RAB31: variants seen among roughly 807,000 people sequenced by gnomAD.
RAB31 encodes the protein RAB31, member RAS oncogene family.
A neutral mutation model predicts 25.6 loss-of-function variants in RAB31; 21 were observed. The observed-to-expected ratio is 0.82, with a 90% confidence interval of 0.58 to 1.18. RAB31 has a LOEUF of 1.18. RAB31 is among the 50% of genes most tolerant of loss of function. The pLI, the probability that RAB31 is intolerant of heterozygous loss-of-function variation, is 0.00. For missense variants in RAB31, 196 were observed against 250.1 expected (o/e 0.78, Z 1.46); for synonymous variants, 87 against 84.0 (o/e 1.04, Z -0.20).
chr18:9,738,764 C>T (rs576380260), intron 1 of RAB31, among the ~76,000 whole-genome samples: 1 of 152,326 alleles, frequency 6.6e-6, no homozygotes, highest in East Asian at 1.9e-4. Flanking sequence ...TGATTTGCAG[C>T]CCATCAATCA....
chr18:9,799,890 A>C (rs1262773364), intron 3 of RAB31, among the ~76,000 whole-genome samples: 1 of 152,202 alleles, frequency 6.6e-6, no homozygotes, highest in Non-Finnish European at 1.5e-5. Context: ...GACTATGAAG[A>C]GGGGAAGAGT....
intron 1 of RAB31, among the ~76,000 whole-genome samples, chr18:9,748,420 C>T (rs531452654): frequency 6.6e-5 from 10 of 152,036 alleles, no homozygotes; most frequent in Middle Eastern, 3.2e-3. Flanking sequence ...GTGGGAGGAT[C>T]GCTTGAGCCC....
At chr18:9,803,648 C>T (rs564025173) in intron 3 of RAB31, among the ~76,000 whole-genome samples, 1 of 152,178 alleles carries the variant, frequency 6.6e-6, no homozygotes, top group Non-Finnish European at 1.5e-5. Context: ...AGGGCCATGC[C>T]TGCTGAGCTC....
At chr18:9,856,767 G>C (rs994399662) in intron 6 of RAB31, among the ~76,000 whole-genome samples, 1 of 152,166 alleles carries the variant, frequency 6.6e-6, no homozygotes, top group Non-Finnish European at 1.5e-5. Flanking sequence ...ATTGCAGTGT[G>C]TAACACACTC....
chr18:9,728,403 A>T (rs1056841184), intron 1 of RAB31, among the ~76,000 whole-genome samples: 2 of 152,272 alleles, frequency 1.3e-5, no homozygotes, highest in Non-Finnish European at 1.5e-5. Flanking sequence ...GTTGGGTCAG[A>T]GAATAGGAGA....
chr18:9,772,838 C>T (rs1319053828), intron 1 of RAB31, among the ~76,000 whole-genome samples: 2 of 152,006 alleles, frequency 1.3e-5, no homozygotes, highest in African/African-American at 4.8e-5. Flanking sequence ...TTCTTGGGGG[C>T]TACGTGGGCT....
chr18:9,793,549 C>G (rs900605397), intron 3 of RAB31, among the ~76,000 whole-genome samples: 2 of 151,912 alleles, frequency 1.3e-5, no homozygotes, highest in African/African-American at 4.8e-5. Flanking sequence ...GTAGTCCCAG[C>G]TACTCGGGAG....
At chr18:9,724,784 C>T (rs1240179263) in intron 1 of RAB31, among the ~76,000 whole-genome samples, 1 of 152,184 alleles carries the variant, frequency 6.6e-6, no homozygotes, top group Admixed American at 6.5e-5. Context: ...ATCCTAAGCA[C>T]GTAGACTTGT....
rs2068319470 is a variant in RAB31 at position 9,766,973 on chromosome 18, A to G, written c.40-8305A>G. Among the ~76,000 whole-genome samples the G allele has an allele frequency of 6.6e-6, 1 of 152,046 alleles. No homozygotes were observed. The highest frequency in any genetic ancestry group is 1.5e-5 in the Non-Finnish European group (1 of 68,018). On this transcript the variant is annotated intron_variant, in intron 1 of 6. Coordinates refer to ENST00000578921, the MANE Select transcript of RAB31 (RefSeq NM_006868.4). This position sits in a 1 kb window ranked among gnomAD's most constrained non-coding sequence, Gnocchi z 4.3. ...TCTTGTCTCAAAACAAACAAACAAA[A>G]CCCCAAACCAAAACAAACAAAAAGA... is the stretch of plus-strand genomic sequence containing the variant.
intron 4 of RAB31, chr18:9,814,544 G>A (rs77030572): frequency 0.052 from 8,249 of 157,692 alleles, 387 homozygotes; most frequent in African/African-American, 0.13. Flanking sequence ...ACAAATAACC[G>A]CAGTAGTTTG....
intron 6 of RAB31, among the ~76,000 whole-genome samples, chr18:9,851,850 A>T (rs1183604382): frequency 6.6e-6 from 1 of 151,834 alleles, no homozygotes; most frequent in East Asian, 1.9e-4. Flanking sequence ...AATATATCTC[A>T]TATTTCATAA....
rs564036906 is a variant in RAB31, at chr18:9,762,141, G to T, written c.40-13137G>T. 6.6e-4 allele frequency among the ~76,000 whole-genome samples: 100 copies of T among 152,240 alleles called. 1 individual carries two copies. The highest frequency in any genetic ancestry group is 1.7e-3 in the African/African-American group (70 of 41,538). The stretch of plus-strand genomic sequence containing the variant: ...CTTTTATAACCTCCCCCTTGGAAGT[G>T]ACATCTGCCACTTTTGCTGCATTCC... On this transcript the variant is annotated intron_variant, in intron 1 of 6. Transcript: ENST00000578921.
chr18:9,806,470 G>C (rs532272024), intron 3 of RAB31, among the ~76,000 whole-genome samples: 2 of 151,960 alleles, frequency 1.3e-5, no homozygotes, highest in Admixed American at 1.3e-4. Context: ...GCTAGAAGGC[G>C]TCAGGGAAGG....
intron 5 of RAB31, among the ~76,000 whole-genome samples, chr18:9,833,153 A>G (rs1301638728): frequency 6.6e-6 from 1 of 152,200 alleles, no homozygotes; most frequent in East Asian, 1.9e-4. Flanking sequence ...TCAGAGGGAG[A>G]TCTTCTTCCG....
At chr18:9,776,042 A>G (rs751589430) in intron 2 of RAB31, among the ~76,000 whole-genome samples, 13 of 152,168 alleles carry the variant, frequency 8.5e-5, no homozygotes, top group Non-Finnish European at 1.8e-4. Context: ...CACCTGCCTC[A>G]GCTTCCCAAA....
At chr18:9,852,107 A>G (rs2068792139) in intron 6 of RAB31, among the ~76,000 whole-genome samples, 1 of 152,158 alleles carries the variant, frequency 6.6e-6, no homozygotes, top group African/African-American at 2.4e-5. Context: ...TAAAATTTCA[A>G]ACATATACAC....
Position 9,860,368 on chromosome 18 carries a change from A to C in RAB31, c.*1043A>C, listed in dbSNP as rs1253187635. On this transcript the variant is annotated 3_prime_UTR_variant, in exon 7 of 7. Transcript: ENST00000578921. ...CCCAAAAAACTACAAAATCAGAAAAAGTATTTTTATGTTTCTAGCTTGAGG... is the reference window on the plus strand; with the variant it reads ...CCCAAAAAACTACAAAATCAGAAAACGTATTTTTATGTTTCTAGCTTGAGG... 6 of 152,362 alleles carry C rather than the reference A, an allele frequency of 3.9e-5. No homozygotes were observed. The East Asian group carries it at 1.2e-3, about 29-fold the overall frequency. The allele number at this position is 152,362 out of a possible 1,614,324, so 9.4% of individuals were successfully genotyped here.
chr18:9,768,671 C>G (rs2068328815), intron 1 of RAB31, among the ~76,000 whole-genome samples: 1 of 152,206 alleles, frequency 6.6e-6, no homozygotes, highest in Admixed American at 6.5e-5. Flanking sequence ...ATGATAGTTT[C>G]TTTTGCTGTG....
chr18:9,826,424 A>AG (rs141821907), intron 5 of RAB31, among the ~76,000 whole-genome samples: 1 of 148,290 alleles, frequency 6.7e-6, no homozygotes, highest in Non-Finnish European at 1.5e-5. Context: ...ATTTAAAAAA[A>AG]CACACACACA....
Sources: gnomAD v4.1 joint callset for allele counts (sites outside exome capture counted in the v4.1 genomes callset) on GRCh38, gnomAD v4.1.1 for gene constraint, Gnocchi (gnomAD v3.1) non-coding constraint, MANE v1.5 for transcripts, NCBI Gene and HGNC (gene_info 2026-07-23, HGNC 2026-07-21) for gene names.